Variants in COL6A2 observed in about 807,000 individuals in gnomAD.
The protein encoded by COL6A2 is collagen alpha-2(VI) chain.
In COL6A2, 90 loss-of-function variants were observed where a neutral mutation model predicts 124.9. The observed-to-expected ratio is 0.72, with a 90% confidence interval of 0.61 to 0.86. The LOEUF is 0.86. COL6A2 is among the 40% of genes least tolerant of loss of function. The pLI, the probability that COL6A2 is intolerant of heterozygous loss-of-function variation, is 0.00. For synonymous variants in COL6A2, 793 were observed against 618.2 expected (o/e 1.28, Z -4.19); for missense variants, 1,607 against 1,502.5 (o/e 1.07, Z -1.15).
At position 46,132,363 on chromosome 21, in the gene COL6A2, G is replaced by A. The variant is rs548194162; in HGVS notation, c.2871G>A (p.Leu957=). ...ACGGCGTCACGGGCAACGACAGTCT[G>A]CACGAGTCGGCGCACTCCATGCGCA... ...LTDGVTGNDS[L]HESAHSMRKQ... The change falls in exon 28 of 28, where the codon CTG becomes CTA. Residue 957 remains leucine (L), a synonymous_variant. Transcript: ENST00000300527. 780 of 1,608,914 alleles carry A rather than the reference G, an allele frequency of 4.8e-4. 10 individuals are homozygous for A. In the South Asian group the frequency reaches 8.1e-3, roughly 17 times the overall value.
intron 3 of COL6A2, 78 bp from the exon 4 acceptor site, chr21:46,112,726 A>G: frequency 2.5e-6 from 4 of 1,607,774 alleles, no homozygotes; most frequent in Non-Finnish European, 3.4e-6. Flanking sequence ...GTGTCCCTCC[A>G]TCCCCACCCA....
In COL6A2 at chr21:46,112,061, G is replaced by A; in HGVS notation, c.198G>A (p.Leu66=). The A allele has an allele frequency of 6.2e-7, 1 of 1,613,114 alleles. No homozygotes were observed. The highest frequency in any genetic ancestry group is 8.5e-7 in the Non-Finnish European group (1 of 1,180,024). The change falls in exon 3 of 28, where the codon CTG becomes CTA. Residue 66 remains leucine, a synonymous_variant. Coordinates refer to ENST00000300527, the MANE Select transcript of COL6A2 (RefSeq NM_001849.4). ...CCATGCAGTCCCCCACGGACATCCT[G>A]CTCTTCCACATGAAGCAGTTCGTGC... ...SVTMQSPTDI[L]LFHMKQFVPQ...
At chr21:46,108,639 G>T (rs1400979264) in intron 1 of COL6A2, among the ~76,000 whole-genome samples, 3 of 152,102 alleles carry the variant, frequency 2.0e-5, no homozygotes, top group African/African-American at 7.2e-5. Flanking sequence ...TGAAGCAATT[G>T]CATATTTTTT....
In COL6A2 at chr21:46,123,973, G is replaced by A. The variant is rs1008397942; in HGVS notation, c.1672-678G>A. Among the ~76,000 whole-genome samples the A allele has an allele frequency of 6.1e-5, 8 of 131,594 alleles. 1 individual carries two copies. In the South Asian group the frequency reaches 1.2e-3, roughly 20 times the overall value. 86.3% of individuals were successfully genotyped at this position (131,594 alleles called of 152,430 possible). A position where few individuals can be genotyped will look rare whatever the true frequency, so the allele number is the denominator to read the frequency against. ...GATGAGTGGATAGATGGGTATGTGA[G>A]TGAGTGGGGGGATGGGTAGGTGGGT... On this transcript the variant is annotated intron_variant, in intron 21 of 27. Transcript: ENST00000300527.
intron 20 of COL6A2, 89 bp downstream of exon 20, chr21:46,122,620 A>G: frequency 2.1e-6 from 3 of 1,433,162 alleles, no homozygotes; most frequent in South Asian, 1.2e-5. Flanking sequence ...CGTCACTGAC[A>G]GGACCACCCC....
chr21:46,123,919 A>T (rs1601243903), intron 21 of COL6A2, among the ~76,000 whole-genome samples: 2 of 141,954 alleles, frequency 1.4e-5, no homozygotes, highest in Non-Finnish European at 1.5e-5. Context: ...GGGTGGATAG[A>T]GGATGGATGG....
Position 46,122,528 on chromosome 21 carries a change from C to T in COL6A2, c.1605C>T (p.Pro535=), listed in dbSNP as rs377476546. 1.1e-4 allele frequency: 171 copies of T among 1,612,620 alleles called. No homozygotes were observed. Among genetic ancestry groups the T allele is most frequent in the African/African-American group, 5.6e-4 (42 of 75,000 alleles). Residue 535 remains proline, a synonymous_variant, in exon 20 of 28, where the codon CCC becomes CCT. Coordinates refer to ENST00000300527, the MANE Select transcript of COL6A2 (RefSeq NM_001849.4). The stretch of plus-strand genomic sequence containing the variant: ...AAGGCGAGCCCGGCCCACGCGGCCC[C>T]GAGGTATGTGTGGGTCCTGGCCACC... ...GEKGEPGPRG[P]EGGRGDFGLK...
At chr21:46,108,386 T>C (rs567228212) in intron 1 of COL6A2, among the ~76,000 whole-genome samples, 1 of 152,228 alleles carries the variant, frequency 6.6e-6, no homozygotes, top group Non-Finnish European at 1.5e-5. Context: ...TTCCTGGACA[T>C]GATTTCTGTA....
At chr21:46,114,369 G>GAGCAGAGAT (rs1042814062) in intron 5 of COL6A2, among the ~76,000 whole-genome samples, 1 of 150,526 alleles carries the variant, frequency 6.6e-6, no homozygotes, top group Non-Finnish European at 1.5e-5. Context: ...AGGTTGCAGT[G>GAGCAGAGAT]AGCAGAGATC....
chr21:46,121,580 G>A lies in COL6A2; in HGVS notation c.1483G>A (p.Ala495Thr). 2 of 1,612,782 alleles carry A rather than the reference G, an allele frequency of 1.2e-6. No individual in the cohort carries two copies. Among genetic ancestry groups the A allele is most frequent in the African/African-American group, 1.3e-5 (1 of 75,044 alleles). ...KQGSRGDPGD[A>T]GPRGDSGQPG... ...GGGATCTCGGGGAGACCCCGGTGAT[G>A]CAGGACCCCGTGGAGACTCAGGACA... Residue 495 changes from alanine to threonine, a missense_variant, in exon 18 of 28, where the codon GCA becomes ACA. Ala to Thr is a moderately conservative substitution (Grantham distance 58). Around this residue, in one of 3 missense-constraint regions of COL6A2, gnomAD observed 1,223 missense variants for 1,052.2 expected, o/e 1.16. Coordinates refer to ENST00000300527, the MANE Select transcript of COL6A2 (RefSeq NM_001849.4).
In COL6A2 at chr21:46,126,225, G is replaced by A. The variant is rs199896699; in HGVS notation, c.2410G>A (p.Val804Ile). Residue 804 changes from valine to isoleucine, a missense_variant, in exon 26 of 28, where the codon GTC (valine) becomes ATC (isoleucine). Transcript: ENST00000300527. ...GAAGTTCATCGATGACATGGAGGAC[G>A]TCCTCTGCCCGGGTGAGCGTGTGGG... ...AEKFIDDMED[V>I]LCPDPQIVCP... 82 of 1,599,722 alleles carry A rather than the reference G, an allele frequency of 5.1e-5. No individual in the cohort carries two copies. The highest frequency in any genetic ancestry group is 3.9e-4 in the African/African-American group (29 of 74,908).
At chr21:46,120,003 C>T (rs887020468) in intron 15 of COL6A2, among the ~76,000 whole-genome samples, 153 bp downstream of exon 15, 6 of 151,620 alleles carry the variant, frequency 4.0e-5, no homozygotes, top group African/African-American at 4.8e-5. Flanking sequence ...GAATGCAGCC[C>T]TGAGATCCCC....
In COL6A2 at chr21:46,116,862, CCCAGCCTCTGCAGGGCCCCCAGAT is replaced by C; in HGVS notation, c.999+56_999+79del. The C allele has an allele frequency of 1.9e-6, 3 of 1,602,144 alleles. No homozygotes were observed. The highest frequency in any genetic ancestry group is 2.6e-6 in the Non-Finnish European group (3 of 1,170,654). Reference sequence around the variant, plus strand: ...AGCTGGACTGGTCTCACAGAGGCATCCCAGCCTCTGCAGGGCCCCCAGATCCAGCCTGATCTGTCAGCTTACACA... The same window carrying C: ...AGCTGGACTGGTCTCACAGAGGCATCCCAGCCTGATCTGTCAGCTTACACA... On this transcript the variant is annotated intron_variant, in intron 10 of 27. Coordinates refer to ENST00000300527, the MANE Select transcript of COL6A2 (RefSeq NM_001849.4). The surrounding 1 kb of genome is among the most constrained non-coding windows in gnomAD (Gnocchi z 4.6).
At chr21:46,126,999 G>A (rs929734214) in intron 27 of COL6A2, among the ~76,000 whole-genome samples, 1 of 64,556 alleles carries the variant, frequency 1.5e-5, no homozygotes, top group African/African-American at 6.9e-5. Context: ...CCTCGGAGCT[G>A]CAGCTGCGGC....
At chr21:46,108,993 G>A (rs1346577016) in intron 1 of COL6A2, among the ~76,000 whole-genome samples, 1 of 152,030 alleles carries the variant, frequency 6.6e-6, no homozygotes, top group East Asian at 1.9e-4. Flanking sequence ...CCTCTCTGTA[G>A]GCGGGTTGTC....
intron 4 of COL6A2, chr21:46,113,783 G>A (rs569129542): frequency 4.9e-6 from 3 of 612,880 alleles, no homozygotes; most frequent in South Asian, 3.7e-5. Context: ...AACTTGCCTA[G>A]AACACCTGAC....
intron 1 of COL6A2, among the ~76,000 whole-genome samples, chr21:46,099,610 A>G (rs2078265354): frequency 6.6e-6 from 1 of 152,168 alleles, no homozygotes; most frequent in Non-Finnish European, 1.5e-5. Context: ...CGCCACAAGC[A>G]GGGGTCCTGG....
chr21:46,118,022 C>A, intron 12 of COL6A2, 86 bp downstream of exon 12: 1 of 1,284,774 alleles, frequency 7.8e-7, no homozygotes, highest in African/African-American at 1.5e-5. Flanking sequence ...AGAAGCTGAG[C>A]AGAGAGGGCC....
Position 46,116,952 on chromosome 21 carries a change from CA to C in COL6A2, c.999+139del. ...ACACACACACACACACACACACACACACACGAACTTCAGCTCCTGCCACATC... is the reference window on the plus strand; with the variant it reads ...ACACACACACACACACACACACACACCACGAACTTCAGCTCCTGCCACATC... On this transcript the variant is annotated intron_variant, in intron 10 of 27. Transcript: ENST00000300527. This position sits in a 1 kb window ranked among gnomAD's most constrained non-coding sequence, Gnocchi z 4.6. The C allele has an allele frequency of 1.2e-6, 1 of 834,266 alleles. No individual in the cohort carries two copies. Among genetic ancestry groups the C allele is most frequent in the Non-Finnish European group, 1.9e-6 (1 of 523,540 alleles). The allele number at this position is 834,266 out of a possible 1,614,324, so 51.7% of individuals were successfully genotyped here. A position where few individuals can be genotyped will look rare whatever the true frequency, so the allele number is the denominator to read the frequency against.
Sources: gnomAD v4.1 joint callset for allele counts (sites outside exome capture counted in the v4.1 genomes callset) on GRCh38, gnomAD v4.1.1 for gene constraint, gnomAD v4.1.1 regional missense constraint, Gnocchi (gnomAD v3.1) non-coding constraint, MANE v1.5 for transcripts, NCBI Gene and HGNC (gene_info 2026-07-23, HGNC 2026-07-21) for gene names.